Variants in CFAP251 observed in about 807,000 individuals in gnomAD.
The protein encoded by CFAP251 is cilia- and flagella-associated protein 251.
Under a neutral mutation model 126.7 loss-of-function variants are expected in CFAP251, and 93 were observed. The ratio of observed to expected loss-of-function variants is 0.73; its 90% CI spans 0.62 to 0.87. The LOEUF (loss-of-function observed/expected upper bound fraction) is 0.87, where lower values mean the gene tolerates loss of function less well. CFAP251 is among the 40% of genes least tolerant of loss of function. The probability of loss-of-function intolerance (pLI) is 0.00; values close to 1 mark genes in which losing one functional copy is unlikely to be tolerated. For synonymous variants in CFAP251, 503 were observed against 506.9 expected, an observed-to-expected ratio of 0.99 and a Z score of 0.10; for missense variants, 1,287 against 1,389.2, an observed-to-expected ratio of 0.93 and a Z score of 1.17.
chr12:121,968,043 A>G lies in CFAP251; in HGVS notation c.2645A>G (p.His882Arg). 2 of 1,612,942 alleles carry G rather than the reference A, an allele frequency of 1.2e-6. No homozygotes were observed. Among genetic ancestry groups the G allele is most frequent in the Non-Finnish European group, 8.5e-7 (1 of 1,179,066 alleles). ...LQILPVDGNP[H>R]KTSAIVCHPN... ...ATCTTACCAGTTGACGGCAATCCAC[A>G]TAAGACATCTGCTATTGTTTGCCAC... The change falls in exon 17 of 22, where the codon CAT becomes CGT. Residue 882 changes from histidine (H) to arginine (R), a missense_variant. His to Arg is a conservative substitution (Grantham distance 29). Transcript: ENST00000288912.
chr12:121,972,004 C>T (rs1882344082), intron 17 of CFAP251: 1 of 236,792 alleles, frequency 4.2e-6, no homozygotes, highest in South Asian at 6.1e-5. Context: ...CTTTCACCTT[C>T]CGCCATGATT....
chr12:121,931,960 A>G, intron 4 of CFAP251, 74 bp downstream of exon 4: 2 of 1,341,314 alleles, frequency 1.5e-6, no homozygotes, highest in South Asian at 2.1e-5. Context: ...TTTGTATCTC[A>G]AGGGCTGACT....
chr12:121,993,335 C>T (rs1381626216), intron 19 of CFAP251, among the ~76,000 whole-genome samples: 3 of 109,000 alleles, frequency 2.8e-5, no homozygotes, highest in Non-Finnish European at 5.6e-5. Flanking sequence ...ACCTCCCAGC[C>T]GCCTGCCTTG....
intron 19 of CFAP251, among the ~76,000 whole-genome samples, chr12:121,983,982 C>T (rs1228580257): frequency 6.6e-6 from 1 of 152,194 alleles, no homozygotes; most frequent in Non-Finnish European, 1.5e-5. Context: ...GATGTAGCCG[C>T]TCCCCCTCCT....
Position 121,954,301 on chromosome 12 carries a change from A to G in CFAP251, c.1502A>G (p.Lys501Arg). The G allele has an allele frequency of 6.2e-7, 1 of 1,614,168 alleles. No homozygotes were observed. Among genetic ancestry groups the G allele is most frequent in the Non-Finnish European group, 8.5e-7 (1 of 1,180,014 alleles). ...IKPCKLVHLQ[K>R]EGITVLTTID... The stretch of plus-strand genomic sequence containing the variant: ...CCTTGTAAATTGGTTCATTTGCAGA[A>G]AGAGGGTATCACGGTACTTACCACA... The change falls in exon 10 of 22, where the codon AAA becomes AGA. Residue 501 changes from lysine to arginine, a missense_variant. Lys to Arg is a conservative substitution (Grantham distance 26). Transcript: ENST00000288912.
chr12:121,988,986 T>C (rs1335313557), intron 19 of CFAP251, among the ~76,000 whole-genome samples: 1 of 152,152 alleles, frequency 6.6e-6, no homozygotes, highest in African/African-American at 2.4e-5. Flanking sequence ...TCCACCCAAC[T>C]TGGCCTCCCA....
intron 15 of CFAP251, among the ~76,000 whole-genome samples, chr12:121,963,433 T>G (rs895159067): frequency 6.6e-6 from 1 of 151,626 alleles, no homozygotes; most frequent in Non-Finnish European, 1.5e-5. Context: ...GACTCTGGAT[T>G]GTGGAGGTCC....
chr12:121,999,611 C>T, intron 19 of CFAP251, 105 bp from the exon 20 acceptor site: 1 of 839,582 alleles, frequency 1.2e-6, no homozygotes, highest in Non-Finnish European at 1.8e-6. Flanking sequence ...GCTAGGATTA[C>T]AGGCATGAGC....
intron 19 of CFAP251, among the ~76,000 whole-genome samples, chr12:121,979,333 T>C (rs760653535): frequency 2.0e-5 from 3 of 152,116 alleles, no homozygotes; most frequent in Middle Eastern, 3.2e-3. Context: ...AGAGTGGCAT[T>C]TTCCAAAGAG....
intron 17 of CFAP251, chr12:121,968,840 G>A (rs535283006): frequency 1.0e-6 from 1 of 970,374 alleles, no homozygotes. Context: ...ACAGAGCAAA[G>A]TACTCGGCAA....
At chr12:121,969,623 C>T (rs777679733) in intron 17 of CFAP251, 96 of 754,482 alleles carry the variant, frequency 1.3e-4, no homozygotes, top group Non-Finnish European at 1.5e-4. Flanking sequence ...GTAGCTGGGA[C>T]CACAGGCATA....
intron 19 of CFAP251, among the ~76,000 whole-genome samples, chr12:121,986,083 C>CTGGA (rs1882738882): frequency 6.6e-6 from 1 of 152,084 alleles, no homozygotes; most frequent in African/African-American, 2.4e-5. Context: ...CCTCCACCTC[C>CTGGA]TGGATTCAAG....
At chr12:121,969,825 C>G in intron 17 of CFAP251, 1 of 985,360 alleles carries the variant, frequency 1.0e-6, no homozygotes, top group South Asian at 4.7e-5. Flanking sequence ...GTCGTGGGAT[C>G]TGGAATGGTA....
rs1357264729 is a variant in CFAP251, at chr12:121,918,873, C to G, written c.-21+178C>G. Among the ~76,000 whole-genome samples the G allele has an allele frequency of 6.6e-6, 1 of 152,158 alleles. No individual in the cohort carries two copies. The highest frequency in any genetic ancestry group is 2.4e-5 in the African/African-American group (1 of 41,444). On this transcript the variant is annotated intron_variant, in intron 1 of 21. Coordinates refer to ENST00000288912, the MANE Select transcript of CFAP251 (RefSeq NM_144668.6). The surrounding 1 kb of genome is among the most constrained non-coding windows in gnomAD (Gnocchi z 4.3). ...GAGGCCGCACCTGGGCTTTAATCCC[C>G]TCGCAGAGCCACGCACCTGGCACCC...
chr12:121,975,854 G>GTTTAGAAAGGCGCA (rs1882443935), intron 19 of CFAP251, among the ~76,000 whole-genome samples, 169 bp downstream of exon 19: 1 of 152,152 alleles, frequency 6.6e-6, no homozygotes. Context: ...CTGCCTTATG[G>GTTTAGAAAGGCGCA]TAGAGATATG....
Position 121,999,886 on chromosome 12 carries a change from C to T in CFAP251, c.3177C>T (p.Asn1059=). The T allele has an allele frequency of 6.2e-7, 1 of 1,614,128 alleles. No homozygotes were observed. Among genetic ancestry groups the T allele is most frequent in the Non-Finnish European group, 8.5e-7 (1 of 1,179,964 alleles). Residue 1059 remains asparagine, a synonymous_variant, in exon 20 of 22, where the codon AAC becomes AAT. Transcript: ENST00000288912. The stretch of plus-strand genomic sequence containing the variant: ...GCTTTGAGGTGCTCGGTTATACCAA[C>T]TCCAAAGGGAAAAAGGCCATTCGAA... The part of the protein sequence containing the change: ...HKSFEVLGYT[N]SKGKKAIRRE...
At chr12:122,002,933 A>G (rs2135822729) in intron 21 of CFAP251, among the ~76,000 whole-genome samples, 1 of 152,268 alleles carries the variant, frequency 6.6e-6, no homozygotes, top group East Asian at 1.9e-4. Flanking sequence ...CTGAACTCAG[A>G]TAATTTCAGA....
intron 13 of CFAP251, 153 bp downstream of exon 13, chr12:121,959,247 G>A (rs1224541732): frequency 2.5e-6 from 2 of 806,208 alleles, no homozygotes; most frequent in East Asian, 5.3e-5. Context: ...GACCAGCCTA[G>A]GAAACACAGC....
At chr12:121,958,638 T>C in intron 12 of CFAP251, 116 bp downstream of exon 12, 1 of 1,491,422 alleles carries the variant, frequency 6.7e-7, no homozygotes, top group Admixed American at 2.0e-5. Flanking sequence ...CCCAGCAGGC[T>C]GGATGAGGCG....
Sources: gnomAD v4.1 joint callset for allele counts (sites outside exome capture counted in the v4.1 genomes callset) on GRCh38, gnomAD v4.1.1 for gene constraint, Gnocchi (gnomAD v3.1) non-coding constraint, MANE v1.5 for transcripts, NCBI Gene and HGNC (gene_info 2026-07-23, HGNC 2026-07-21) for gene names.